Variants in PANX1 observed in about 807,000 individuals in gnomAD.
The protein encoded by PANX1 is pannexin 1.
PANX1 carries 30 observed loss-of-function variants against 38.7 expected under a neutral mutation model. The observed-to-expected ratio is 0.78, with a 90% CI of 0.58 to 1.05. The LOEUF is 1.05. Ranked by LOEUF, PANX1 falls within the 50% of genes least tolerant of loss-of-function variation. The pLI is 0.00. For missense variants in PANX1, 551 were observed against 517.2 expected, an observed-to-expected ratio of 1.07 and a Z score of -0.63; for synonymous variants, 230 against 212.2, an observed-to-expected ratio of 1.08 and a Z score of -0.73.
At chr11:94,174,803 C>T (rs1265457579) in intron 2 of PANX1, among the ~76,000 whole-genome samples, 2 of 151,696 alleles carry the variant, frequency 1.3e-5, no homozygotes, top group Non-Finnish European at 2.9e-5. Context: ...TCTTTGCCTT[C>T]GATGAGGTAG....
chr11:94,145,258 C>T (rs150455773), intron 1 of PANX1, among the ~76,000 whole-genome samples: 4 of 152,182 alleles, frequency 2.6e-5, no homozygotes, highest in Admixed American at 2.0e-4. Context: ...TGCATTTAGT[C>T]CTTATATGTG....
At chr11:94,177,591 G>C (rs1044876343) in intron 2 of PANX1, among the ~76,000 whole-genome samples, 6 of 152,174 alleles carry the variant, frequency 3.9e-5, no homozygotes, top group African/African-American at 1.4e-4. Context: ...TAAGTCTTCT[G>C]CTGAGGCTAA....
chr11:94,129,281 G>T lies in PANX1; in HGVS notation c.-32G>T. 1 of 1,579,616 alleles carries T rather than the reference G, an allele frequency of 6.3e-7. No individual in the cohort carries two copies. The highest frequency in any genetic ancestry group is 1.7e-5 in the Admixed American group (1 of 58,594). On this transcript the variant is annotated 5_prime_UTR_variant, in exon 1 of 5. Coordinates refer to ENST00000227638, the MANE Select transcript of PANX1 (RefSeq NM_015368.4). ...GCTTTCCCGACGCCGGCTGTACCCGGACCTCCTGGTCGAGCCTGGCGCGCC... is the reference window on the plus strand; with the variant it reads ...GCTTTCCCGACGCCGGCTGTACCCGTACCTCCTGGTCGAGCCTGGCGCGCC...
intron 4 of PANX1, 148 bp from the exon 5 acceptor site, chr11:94,180,642 G>T (rs1365619886): frequency 5.2e-6 from 3 of 575,298 alleles, no homozygotes; most frequent in Non-Finnish European, 6.2e-6. Flanking sequence ...TTTCAAAGGG[G>T]ACTAAAAGTT....
chr11:94,163,820 TAA>T (rs1947073966), intron 2 of PANX1, among the ~76,000 whole-genome samples: 1 of 152,208 alleles, frequency 6.6e-6, no homozygotes, highest in Non-Finnish European at 1.5e-5. Context: ...AGTTCTTTTT[TAA>T]AAGTTTGGTA....
chr11:94,168,829 C>A (rs1285595217), intron 2 of PANX1, among the ~76,000 whole-genome samples: 1 of 151,532 alleles, frequency 6.6e-6, no homozygotes, highest in Non-Finnish European at 1.5e-5. Flanking sequence ...GGAAGTGCAT[C>A]TTTTCTAAGA....
At position 94,166,076 on chromosome 11, in the gene PANX1, C is replaced by T. The variant is rs1432618568; in HGVS notation, c.322-12293C>T. Among the ~76,000 whole-genome samples the T allele has an allele frequency of 3.9e-5, 6 of 152,168 alleles. 1 individual carries two copies. Among genetic ancestry groups the T allele is most frequent in the East Asian group, 1.9e-4 (1 of 5,170 alleles). ...TTTAACTTCATCCCCCCCTCGCTTT[C>T]GACTTCTTGTCACTTTATATCTTTT... On this transcript the variant is annotated intron_variant, in intron 2 of 4. Transcript: ENST00000227638.
intron 1 of PANX1, among the ~76,000 whole-genome samples, chr11:94,134,526 T>C (rs1301530931): frequency 6.6e-6 from 1 of 152,182 alleles, no homozygotes; most frequent in Non-Finnish European, 1.5e-5. Context: ...ATCCCCAATG[T>C]GATGCTAATT....
At chr11:94,139,006 A>G (rs1946731679) in intron 1 of PANX1, among the ~76,000 whole-genome samples, 2 of 152,190 alleles carry the variant, frequency 1.3e-5, no homozygotes, top group South Asian at 4.1e-4. Context: ...CTATAAGTCA[A>G]GACTCTAGCT....
chr11:94,166,641 G>C (rs1176338276), intron 2 of PANX1, among the ~76,000 whole-genome samples: 1 of 152,158 alleles, frequency 6.6e-6, no homozygotes, highest in Non-Finnish European at 1.5e-5. Flanking sequence ...AGGTAGTCTT[G>C]CTTGGGTTGA....
In PANX1 at chr11:94,153,448, G is replaced by A. The variant is rs756248623; in HGVS notation, c.182-43G>A. The A allele has an allele frequency of 2.6e-5, 41 of 1,606,866 alleles. No individual in the cohort carries two copies. In the South Asian group the frequency reaches 4.1e-4, roughly 16 times the overall value. On this transcript the variant is annotated intron_variant, in intron 1 of 4. Transcript: ENST00000227638. ...ATGTGAGATGGGGACAAGAGTCCAG[G>A]TAAGCTGTGTTTTCATTGGAAACTA...
intron 1 of PANX1, among the ~76,000 whole-genome samples, chr11:94,149,308 A>G (rs1316899668): frequency 1.3e-5 from 2 of 152,060 alleles, no homozygotes; most frequent in Non-Finnish European, 2.9e-5. Flanking sequence ...TTACTTTCTA[A>G]TCATTTATAG....
chr11:94,131,757 G>C (rs549527938), intron 1 of PANX1, among the ~76,000 whole-genome samples: 2 of 152,342 alleles, frequency 1.3e-5, no homozygotes, highest in African/African-American at 4.8e-5. Flanking sequence ...GAAGAGGGGA[G>C]AGGTACATAG....
intron 2 of PANX1, among the ~76,000 whole-genome samples, chr11:94,158,721 C>T (rs1946984932): frequency 6.6e-6 from 1 of 152,158 alleles, no homozygotes; most frequent in African/African-American, 2.4e-5. Flanking sequence ...TCCTCTTTTC[C>T]TGATTGAATG....
At chr11:94,160,783 T>G (rs1016478984) in intron 2 of PANX1, among the ~76,000 whole-genome samples, 1 of 152,200 alleles carries the variant, frequency 6.6e-6, no homozygotes, top group African/African-American at 2.4e-5. Flanking sequence ...GTTAGCTGGT[T>G]ATTTTGCCGT....
intron 2 of PANX1, among the ~76,000 whole-genome samples, chr11:94,159,235 A>C (rs193192870): frequency 1.1e-4 from 16 of 152,192 alleles, no homozygotes; most frequent in East Asian, 5.8e-4. Context: ...TGTCTCTGCC[A>C]GGCTTTGGTA....
intron 4 of PANX1, 107 bp downstream of exon 4, chr11:94,180,364 C>A: frequency 9.8e-7 from 1 of 1,016,242 alleles, no homozygotes; most frequent in Non-Finnish European, 1.4e-6. Flanking sequence ...AAACCATTTC[C>A]AAGCATTAAA....
chr11:94,154,669 C>T (rs546426717), intron 2 of PANX1, among the ~76,000 whole-genome samples: 1 of 152,222 alleles, frequency 6.6e-6, no homozygotes, highest in African/African-American at 2.4e-5. Context: ...ATAGTTGACC[C>T]TTGAACAATG....
chr11:94,148,060 G>GA lies in PANX1; in HGVS notation c.182-5421dup, dbSNP rs955611001. 2.2e-4 allele frequency among the ~76,000 whole-genome samples: 33 copies of GA among 148,314 alleles called. No homozygotes were observed. The East Asian group carries it at 2.9e-3, about 13-fold the overall frequency. ...CCTGGTGAACCAATGTGGTTTAAAG[G>GA]AAAAAAAAAAGAAGTATTTCAATTC... On this transcript the variant is annotated intron_variant, in intron 1 of 4. Coordinates refer to ENST00000227638, the MANE Select transcript of PANX1 (RefSeq NM_015368.4).
Sources: allele counts gnomAD v4.1 joint callset (sites outside exome capture counted in the v4.1 genomes callset), GRCh38; gene constraint gnomAD v4.1.1; transcripts MANE v1.5; gene names NCBI Gene and HGNC (gene_info 2026-07-23, HGNC 2026-07-21).